KSR1: variants seen among roughly 807,000 people sequenced by gnomAD.
KSR1 encodes the protein kinase suppressor of ras 1, also known as kinase suppressor of ras.
A neutral mutation model predicts 92.9 loss-of-function variants in KSR1; 35 were observed. That is an observed-to-expected ratio of 0.38 (90% CI 0.29 to 0.50). The LOEUF is 0.50. KSR1 is among the 20% of genes least tolerant of loss of function. The probability of loss-of-function intolerance (pLI) is 0.94; values close to 1 mark genes in which losing one functional copy is unlikely to be tolerated. For missense variants in KSR1, 972 were observed against 1,158.5 expected (o/e 0.84, Z 2.34); for synonymous variants, 467 against 472.6 (o/e 0.99, Z 0.15).
chr17:27,464,735 C>G (rs2019604725), intron 1 of KSR1, among the ~76,000 whole-genome samples: 1 of 151,210 alleles, frequency 6.6e-6, no homozygotes, highest in Admixed American at 6.6e-5. Flanking sequence ...AAGAAAAATC[C>G]TTGCAGATTT....
chr17:27,460,691 C>G lies in KSR1; in HGVS notation c.231+3817C>G, dbSNP rs116645176. 4.1e-3 allele frequency among the ~76,000 whole-genome samples: 623 copies of G among 152,284 alleles called. 2 individuals carry two copies. The highest frequency in any genetic ancestry group is 0.015 in the African/African-American group (605 of 41,558). On this transcript the variant is annotated intron_variant, in intron 1 of 20. Transcript: ENST00000644974. The stretch of plus-strand genomic sequence containing the variant: ...AGGCCTGGCCCTCACACAGCTCTGC[C>G]GTGGCAGAGGTCAGAGTCCCACCGT...
intron 9 of KSR1, among the ~76,000 whole-genome samples, chr17:27,596,891 G>A (rs61639425): frequency 0.098 from 14,864 of 152,254 alleles, 991 homozygotes; most frequent in Middle Eastern, 0.2. Flanking sequence ...AACACACAAG[G>A]TAGTGGGAGA....
chr17:27,515,055 A>G (rs572540617), intron 1 of KSR1, among the ~76,000 whole-genome samples: 1 of 152,302 alleles, frequency 6.6e-6, no homozygotes, highest in Admixed American at 6.5e-5. Flanking sequence ...TCCCGAGGTT[A>G]AGGAAGGAAA....
At position 27,588,585 on chromosome 17, in the gene KSR1, C is replaced by G. The variant is rs1346457710; in HGVS notation, c.1046+50C>G. Reference sequence around the variant, plus strand: ...GAGCAGGGCACAGCCGGGCTGGTACCCAGATGGGGCCAGGAGTTCTGGTCA... The same window carrying G: ...GAGCAGGGCACAGCCGGGCTGGTACGCAGATGGGGCCAGGAGTTCTGGTCA... On this transcript the variant is annotated intron_variant, in intron 6 of 20. Coordinates refer to ENST00000644974, the MANE Select transcript of KSR1 (RefSeq NM_001394583.1). The G allele has an allele frequency of 4.7e-6, 7 of 1,484,476 alleles. No individual in the cohort carries two copies. In the Admixed American group the frequency reaches 1.4e-4, roughly 30 times the overall value. The allele number at this position is 1,484,476 out of a possible 1,614,324, so 92.0% of individuals were successfully genotyped here. A position where few individuals can be genotyped will look rare whatever the true frequency, so the allele number is the denominator to read the frequency against.
intron 1 of KSR1, among the ~76,000 whole-genome samples, chr17:27,496,727 A>G (rs1246685286): frequency 6.6e-6 from 1 of 152,244 alleles, no homozygotes; most frequent in Non-Finnish European, 1.5e-5. Flanking sequence ...AGGCAGTGGC[A>G]GTGGCCCTCA....
chr17:27,626,357 TGC>T lies in KSR1; in HGVS notation c.*2966_*2967del, dbSNP rs1164215237. 2 of 152,282 alleles carry T rather than the reference TGC, an allele frequency of 1.3e-5. No homozygotes were observed. Among genetic ancestry groups the T allele is most frequent in the African/African-American group, 2.4e-5 (1 of 41,480 alleles). 9.4% of individuals were successfully genotyped at this position (152,282 alleles called of 1,614,324 possible). A position where few individuals can be genotyped will look rare whatever the true frequency, so the allele number is the denominator to read the frequency against. ...ACAAACATGCTGTATCGGGTTTTTTTGCCACTGGCAAGAACATGCCCTCTGTG... is the reference window on the plus strand; with the variant it reads ...ACAAACATGCTGTATCGGGTTTTTTTCACTGGCAAGAACATGCCCTCTGTG... On this transcript the variant is annotated 3_prime_UTR_variant, in exon 21 of 21. Coordinates refer to ENST00000644974, the MANE Select transcript of KSR1 (RefSeq NM_001394583.1).
chr17:27,616,626 C>G (rs979676991), intron 18 of KSR1, among the ~76,000 whole-genome samples: 3 of 152,186 alleles, frequency 2.0e-5, no homozygotes, highest in African/African-American at 7.2e-5. Context: ...GAGCAAAAGC[C>G]TGAGTTGCTG....
intron 2 of KSR1, among the ~76,000 whole-genome samples, chr17:27,564,098 C>T (rs1272047435): frequency 6.9e-6 from 1 of 144,934 alleles, no homozygotes; most frequent in Non-Finnish European, 1.5e-5. Context: ...AAGCTATTCT[C>T]CTGTCTCAGC....
intron 2 of KSR1, among the ~76,000 whole-genome samples, chr17:27,561,069 G>A (rs1008790047): frequency 2.0e-5 from 3 of 152,160 alleles, no homozygotes; most frequent in Non-Finnish European, 4.4e-5. Context: ...TGGAAGGAAG[G>A]GGCAAGCTAC....
intron 1 of KSR1, among the ~76,000 whole-genome samples, chr17:27,476,880 A>T (rs1416143760): frequency 1.3e-5 from 2 of 152,218 alleles, no homozygotes; most frequent in African/African-American, 4.8e-5. Flanking sequence ...CATGCAAGAA[A>T]GAATTCAGGG....
At chr17:27,508,705 T>TA (rs1555572309) in intron 1 of KSR1, among the ~76,000 whole-genome samples, 4 of 130,508 alleles carry the variant, frequency 3.1e-5, no homozygotes, top group African/African-American at 1.3e-4. Flanking sequence ...TGGGCCTGAA[T>TA]TTTTTTTATT....
chr17:27,519,248 T>C (rs1265518186), intron 1 of KSR1, among the ~76,000 whole-genome samples: 1 of 151,804 alleles, frequency 6.6e-6, no homozygotes, highest in African/African-American at 2.4e-5. Flanking sequence ...AGAAATGAGG[T>C]TTTGTTTTGT....
At chr17:27,609,409 GT>G in intron 16 of KSR1, 80 bp downstream of exon 16, 1 of 1,563,352 alleles carries the variant, frequency 6.4e-7, no homozygotes. Flanking sequence ...CACTTTCACT[GT>G]TTGTTGCTGA....
At position 27,592,418 on chromosome 17, in the gene KSR1, G is replaced by C; in HGVS notation, c.1188G>C (p.Leu396=). 6.2e-7 allele frequency: 1 copy of C among 1,613,872 alleles called. No individual in the cohort carries two copies. The change falls in exon 8 of 21, where the codon CTG becomes CTC. Residue 396 remains leucine, a synonymous_variant. Coordinates refer to ENST00000644974, the MANE Select transcript of KSR1 (RefSeq NM_001394583.1). Reference sequence around the variant, plus strand: ...CCCCTGCCTGTAGAATATCCTTCCTGCCACGTGAGTTTTCTGCCTTCCTCT... The same window carrying C: ...CCCCTGCCTGTAGAATATCCTTCCTCCCACGTGAGTTTTCTGCCTTCCTCT... ...KEAPACRISF[L]PLTRLRRTES...
At chr17:27,467,465 C>T (rs1018153931) in intron 1 of KSR1, among the ~76,000 whole-genome samples, 1 of 152,204 alleles carries the variant, frequency 6.6e-6, no homozygotes, top group Non-Finnish European at 1.5e-5. Flanking sequence ...TGGTGTATCA[C>T]AGAATCACAG....
chr17:27,575,302 A>G (rs539138034), intron 2 of KSR1, among the ~76,000 whole-genome samples: 10 of 152,316 alleles, frequency 6.6e-5, no homozygotes, highest in East Asian at 1.9e-4. Context: ...GGGGCAGGCA[A>G]TTCCTGGAAC....
rs2074327985 is a variant in KSR1, at chr17:27,625,788, T to C, written c.*2396T>C. The C allele has an allele frequency of 6.6e-6, 1 of 152,260 alleles. No homozygotes were observed. Among genetic ancestry groups the C allele is most frequent in the Admixed American group, 6.5e-5 (1 of 15,278 alleles). 9.4% of individuals were successfully genotyped at this position (152,260 alleles called of 1,614,324 possible). ...GGCTGGGAGGGCTCGGGGAGAGCTC[T>C]TAGGGGCTGCGGAAGTCCCCACGGG... is the stretch of plus-strand genomic sequence containing the variant. On this transcript the variant is annotated 3_prime_UTR_variant, in exon 21 of 21. Transcript: ENST00000644974.
At chr17:27,537,003 T>C (rs2070775025) in intron 1 of KSR1, among the ~76,000 whole-genome samples, 1 of 152,222 alleles carries the variant, frequency 6.6e-6, no homozygotes, top group African/African-American at 2.4e-5. Flanking sequence ...ATCCTGTGAC[T>C]ACCCAATGGG....
chr17:27,569,132 T>A (rs1050630558), intron 2 of KSR1, among the ~76,000 whole-genome samples: 6 of 152,230 alleles, frequency 3.9e-5, no homozygotes, highest in Admixed American at 1.3e-4. Flanking sequence ...TTTCTTTTTT[T>A]AAAAAGAATT....
Sources: allele counts gnomAD v4.1 joint callset (sites outside exome capture counted in the v4.1 genomes callset), GRCh38; gene constraint gnomAD v4.1.1; transcripts MANE v1.5; gene names NCBI Gene and HGNC (gene_info 2026-07-23, HGNC 2026-07-21).